Variants in EPHB1 observed in about 807,000 individuals in gnomAD.
EPHB1 encodes the protein EPH receptor B1.
In EPHB1, 30 loss-of-function variants were observed where a neutral mutation model predicts 94.4. The ratio of observed to expected loss-of-function variants is 0.32; its 90% CI spans 0.24 to 0.43. EPHB1 has a LOEUF of 0.43. Ranked by LOEUF, EPHB1 falls within the 20% of genes least tolerant of loss-of-function variation. The pLI is 1.00. For missense variants in EPHB1, 1,055 were observed against 1,308.3 expected (o/e 0.81, Z 2.99); for synonymous variants, 522 against 489.1 (o/e 1.07, Z -0.89).
At chr3:135,234,857 G>C (rs577966919) in intron 12 of EPHB1, among the ~76,000 whole-genome samples, 2 of 152,218 alleles carry the variant, frequency 1.3e-5, no homozygotes, top group South Asian at 4.2e-4. Flanking sequence ...CCTCCCACTG[G>C]GTCCTTCATA....
intron 1 of EPHB1, among the ~76,000 whole-genome samples, chr3:134,902,969 C>T (rs115832446): frequency 6.6e-6 from 1 of 152,192 alleles, no homozygotes; most frequent in Non-Finnish European, 1.5e-5. Context: ...TGTAAATTGC[C>T]ATATTCCATG....
chr3:134,840,014 A>T (rs1478607395), intron 1 of EPHB1, among the ~76,000 whole-genome samples: 2 of 152,106 alleles, frequency 1.3e-5, no homozygotes, highest in East Asian at 3.9e-4. Context: ...ATGGGGACAC[A>T]TTATTCCACT....
intron 3 of EPHB1, among the ~76,000 whole-genome samples, chr3:135,022,218 C>A (rs551147869): frequency 3.3e-5 from 5 of 152,328 alleles, no homozygotes; most frequent in Admixed American, 1.3e-4. Context: ...GATCCCCCTG[C>A]CTCGGCCTCC....
rs576254235 is a variant in EPHB1, at chr3:135,076,296, C to T, written c.806-30152C>T. Among the ~76,000 whole-genome samples the T allele has an allele frequency of 5.7e-4, 82 of 144,530 alleles. 1 individual carries two copies. The highest frequency in any genetic ancestry group is 8.7e-4 in the Non-Finnish European group (59 of 67,532). The allele number at this position is 144,530 out of a possible 152,430, so 94.8% of individuals were successfully genotyped here. On this transcript the variant is annotated intron_variant, in intron 3 of 15. Transcript: ENST00000398015. ...TGCATTAGTAAAAAGTCAAACAACTCAATTTAAAAATGAGCAAAAATATGC... is the reference window on the plus strand; with the variant it reads ...TGCATTAGTAAAAAGTCAAACAACTTAATTTAAAAATGAGCAAAAATATGC...
At chr3:134,919,748 A>T (rs1419964425) in intron 1 of EPHB1, among the ~76,000 whole-genome samples, 1 of 152,114 alleles carries the variant, frequency 6.6e-6, no homozygotes, top group Non-Finnish European at 1.5e-5. Flanking sequence ...CCAGCCACGC[A>T]CACCCTTGGC....
At position 135,095,902 on chromosome 3, in the gene EPHB1, C is replaced by T. The variant is rs531515414; in HGVS notation, c.806-10546C>T. On this transcript the variant is annotated intron_variant, in intron 3 of 15. Transcript: ENST00000398015. ...ACTTAGATGTCGCTTTCCCAAGGCT[C>T]TCCCAGAGTGGGTTAGGTCCCTACT... Among the ~76,000 whole-genome samples the T allele has an allele frequency of 2.6e-5, 4 of 152,332 alleles. No homozygotes were observed. In the East Asian group the frequency reaches 7.7e-4, roughly 29 times the overall value.
chr3:135,052,531 C>A (rs1937198086), intron 3 of EPHB1, among the ~76,000 whole-genome samples: 1 of 151,900 alleles, frequency 6.6e-6, no homozygotes, highest in Non-Finnish European at 1.5e-5. Flanking sequence ...CATGGTGTCT[C>A]CAAGGATCAG....
intron 5 of EPHB1, among the ~76,000 whole-genome samples, chr3:135,152,269 G>A (rs1359882070): frequency 6.6e-6 from 1 of 152,168 alleles, no homozygotes; most frequent in Non-Finnish European, 1.5e-5. Context: ...TTGGTAGAAA[G>A]GAAAACAGTG....
intron 3 of EPHB1, among the ~76,000 whole-genome samples, chr3:135,076,262 A>ATATATATATATATAT (rs1559820194): frequency 1.5e-5 from 1 of 68,914 alleles, no homozygotes; most frequent in African/African-American, 1.1e-4. Context: ...TATATATATA[A>ATATATATATATATAT]CTCTTAAATG....
Position 135,167,863 on chromosome 3 carries a change from C to G in EPHB1, c.1759+857C>G, listed in dbSNP as rs116060571. Among the ~76,000 whole-genome samples the G allele has an allele frequency of 9.9e-3, 1,509 of 152,292 alleles. 14 individuals are homozygous for G. The highest frequency in any genetic ancestry group is 0.027 in the Middle Eastern group (8 of 294). On this transcript the variant is annotated intron_variant, in intron 9 of 15. Transcript: ENST00000398015. Reference sequence around the variant, plus strand: ...TCATCTCACCTCAACCCCCTTGTTGCAAAGTAAGGCTGGTGCTTCCTGTTT... The same window carrying G: ...TCATCTCACCTCAACCCCCTTGTTGGAAAGTAAGGCTGGTGCTTCCTGTTT...
At chr3:134,851,342 T>C (rs1282982327) in intron 1 of EPHB1, among the ~76,000 whole-genome samples, 1 of 152,202 alleles carries the variant, frequency 6.6e-6, no homozygotes, top group Admixed American at 6.5e-5. Flanking sequence ...CTTTCCTCCC[T>C]GATCCCCAGT....
chr3:135,105,921 T>C (rs1451490747), intron 3 of EPHB1, among the ~76,000 whole-genome samples: 3 of 152,262 alleles, frequency 2.0e-5, no homozygotes, highest in Non-Finnish European at 4.4e-5. Context: ...CCATCATTCA[T>C]AGCAAGAGCT....
chr3:135,141,338 T>A (rs2400443), intron 5 of EPHB1, among the ~76,000 whole-genome samples: 109,174 of 151,772 alleles, frequency 0.72, 40,664 homozygotes, highest in East Asian at 0.98. Context: ...GATGTGCATT[T>A]GTTGTTTATG....
intron 3 of EPHB1, among the ~76,000 whole-genome samples, chr3:135,012,739 G>A (rs1193039910): frequency 6.6e-6 from 1 of 152,144 alleles, no homozygotes; most frequent in Non-Finnish European, 1.5e-5. Context: ...GCTGTAGGAG[G>A]TCAAGCCTGT....
At chr3:134,917,274 G>C (rs929183965) in intron 1 of EPHB1, among the ~76,000 whole-genome samples, 5 of 152,224 alleles carry the variant, frequency 3.3e-5, no homozygotes, top group African/African-American at 1.2e-4. Flanking sequence ...CAAGGGCCAA[G>C]CTGGGCTGGG....
intron 10 of EPHB1, among the ~76,000 whole-genome samples, chr3:135,183,445 C>G (rs9816014): frequency 1 from 152,124 of 152,302 alleles, 75,973 homozygotes; most frequent in East Asian, 1. Flanking sequence ...ATTAAGTTTA[C>G]AGTTCAGAAA....
chr3:135,245,175 G>A (rs1458712658), intron 13 of EPHB1, among the ~76,000 whole-genome samples: 1 of 152,154 alleles, frequency 6.6e-6, no homozygotes, highest in African/African-American at 2.4e-5. Context: ...GACACCTTCT[G>A]TGTGATGAGG....
intron 12 of EPHB1, among the ~76,000 whole-genome samples, chr3:135,215,136 G>T (rs1227182358): frequency 6.6e-6 from 1 of 151,994 alleles, no homozygotes; most frequent in Non-Finnish European, 1.5e-5. Flanking sequence ...GGCAAGAGAT[G>T]GCAGATGTAC....
intron 12 of EPHB1, among the ~76,000 whole-genome samples, chr3:135,237,686 C>T (rs138557369): frequency 8.5e-5 from 13 of 152,284 alleles, no homozygotes; most frequent in East Asian, 1.9e-4. Flanking sequence ...CTTCTGTGTC[C>T]GTATGAATGC....
Sources: allele counts gnomAD v4.1 joint callset (sites outside exome capture counted in the v4.1 genomes callset), GRCh38; gene constraint gnomAD v4.1.1; transcripts MANE v1.5; gene names NCBI Gene and HGNC (gene_info 2026-07-23, HGNC 2026-07-21).